Variants in ZNF711 observed in about 807,000 individuals in gnomAD.
ZNF711 encodes the protein zinc finger protein 711.
Under a neutral mutation model 43.5 loss-of-function variants are expected in ZNF711, and 3 were observed. The ratio of observed to expected loss-of-function variants is 0.07; its 90% confidence interval spans 0.03 to 0.18. The LOEUF (loss-of-function observed/expected upper bound fraction) is 0.18, where lower values mean the gene tolerates loss of function less well. ZNF711 is among the 10% of genes least tolerant of loss of function. The pLI is 1.00. For missense variants in ZNF711, 412 were observed against 604.0 expected (o/e 0.68, Z 3.33); for synonymous variants, 209 against 207.7 (o/e 1.01, Z -0.06).
intron 4 of ZNF711, among the ~76,000 whole-genome samples, chrX:85,252,065 C>G (rs767488976): frequency 4.5e-5 from 5 of 111,492 alleles, no homozygotes; most frequent in Non-Finnish European, 7.5e-5. Flanking sequence ...TAATCTATAG[C>G]TAAGTGACTT....
chrX:85,272,006 T>TTAC lies in ZNF711; in HGVS notation c.*180_*182dup. 1 of 452,524 alleles carries TTAC rather than the reference T, an allele frequency of 2.2e-6. No individual in the cohort carries two copies. Among genetic ancestry groups the TTAC allele is most frequent in the Non-Finnish European group, 3.8e-6 (1 of 263,792 alleles). The allele number at this position is 452,524 out of a possible 1,213,427, so 37.3% of individuals were successfully genotyped here. On this transcript the variant is annotated 3_prime_UTR_variant, in exon 11 of 11. Coordinates refer to ENST00000674551, the MANE Select transcript of ZNF711 (RefSeq NM_001330574.2). ...AGGGGATCCCATAGCCCTTTGAAAA[T>TTAC]TACTTAAAGAATTTAAGAAGCACTA...
intron 9 of ZNF711, among the ~76,000 whole-genome samples, chrX:85,269,072 G>T (rs1357047655): frequency 1.8e-5 from 2 of 111,446 alleles, no homozygotes; most frequent in Admixed American, 1.9e-4. Context: ...TTTAATGTAT[G>T]CACTGATCAC....
chrX:85,244,135 C>T lies in ZNF711; in HGVS notation c.-462C>T. ...ACTGGCGGCACGGAGGCGGCGGCGGCGGCGGCGGCGGCAGCGGCGGCGGCA... is the reference window on the plus strand; with the variant it reads ...ACTGGCGGCACGGAGGCGGCGGCGGTGGCGGCGGCGGCAGCGGCGGCGGCA... On this transcript the variant is annotated 5_prime_UTR_variant, in exon 1 of 11. Coordinates refer to ENST00000674551, the MANE Select transcript of ZNF711 (RefSeq NM_001330574.2). The T allele has an allele frequency of 6.7e-6, 1 of 148,736 alleles. No homozygotes were observed. The allele number at this position is 148,736 out of a possible 1,213,427, so 12.3% of individuals were successfully genotyped here.
intron 4 of ZNF711, among the ~76,000 whole-genome samples, chrX:85,249,776 A>G (rs1244052981): frequency 9.0e-6 from 1 of 111,581 alleles, no homozygotes; most frequent in African/African-American, 3.3e-5. Context: ...ATATTCACAA[A>G]ATTGTATAAC....
rs751356830 is a variant in ZNF711, at chrX:85,271,461, T to C, written c.2057T>C (p.Ile686Thr). ...TCTGAGCTCAAAAAGCATAGTGATA[T>C]CCATAAGGGTAGGAAGATTCATCAG... ...RPSELKKHSD[I>T]HKGRKIHQCR... is the part of the protein sequence containing the mutation. Residue 686 changes from isoleucine to threonine, a missense_variant, in exon 11 of 11, where the codon ATC becomes ACC. By Grantham distance (89) the Ile-to-Thr change is moderately conservative. Around this residue, in one of 4 missense-constraint regions of ZNF711, gnomAD observed 375 missense variants for 514.2 expected, o/e 0.73. Coordinates refer to ENST00000674551, the MANE Select transcript of ZNF711 (RefSeq NM_001330574.2). 3.3e-6 allele frequency: 4 copies of C among 1,209,484 alleles called. No homozygotes were observed. Among genetic ancestry groups the C allele is most frequent in the East Asian group, 5.9e-5 (2 of 33,700 alleles).
At chrX:85,267,144 A>G in intron 7 of ZNF711, 134 bp from the exon 8 acceptor site, 1 of 544,048 alleles carries the variant, frequency 1.8e-6, no homozygotes, top group Non-Finnish European at 2.6e-6. Flanking sequence ...CCTAATATAA[A>G]TTGAAATTAA....
intron 7 of ZNF711, 132 bp downstream of exon 7, chrX:85,265,387 T>C: frequency 1.5e-6 from 1 of 677,354 alleles, no homozygotes; most frequent in East Asian, 3.7e-5. Flanking sequence ...CCCTTTGCTG[T>C]AAATAATTTA....
chrX:85,252,169 T>C (rs1397777856), intron 4 of ZNF711, among the ~76,000 whole-genome samples: 2 of 112,453 alleles, frequency 1.8e-5, no homozygotes, highest in Non-Finnish European at 3.8e-5. Context: ...CTAAGTAATC[T>C]GCTGCTACCC....
rs1244063223 is a variant in ZNF711, at chrX:85,248,500, CTCCT to C, written c.79+851_79+854del. ...AAAAAAAAAAAAAAAAAAAAAAAGACTCCTTACTCTTGTGGCCAGGTTTGTAAGT... is the reference window on the plus strand; with the variant it reads ...AAAAAAAAAAAAAAAAAAAAAAAGACTACTCTTGTGGCCAGGTTTGTAAGT... On this transcript the variant is annotated intron_variant, in intron 4 of 10. Transcript: ENST00000674551. Among the ~76,000 whole-genome samples, 7 of 92,645 alleles carry C rather than the reference CTCCT, an allele frequency of 7.6e-5. No individual in the cohort carries two copies. In the Admixed American group the frequency reaches 8.0e-4, roughly 11 times the overall value. The allele number at this position is 92,645 out of a possible 115,157, so 80.5% of individuals were successfully genotyped here.
At position 85,271,895 on chromosome X, in the gene ZNF711, T is replaced by A; in HGVS notation, c.*67T>A. 1 of 898,037 alleles carries A rather than the reference T, an allele frequency of 1.1e-6. No individual in the cohort carries two copies. Among genetic ancestry groups the A allele is most frequent in the Non-Finnish European group, 1.6e-6 (1 of 620,844 alleles). 74.0% of individuals were successfully genotyped at this position (898,037 alleles called of 1,213,427 possible). A position where few individuals can be genotyped will look rare whatever the true frequency, so the allele number is the denominator to read the frequency against. Reference sequence around the variant, plus strand: ...ATGCTACTTGGGAGAAAACTCTCACTAACTGTCTCACCGGGTTTCAAAGCT... The same window carrying A: ...ATGCTACTTGGGAGAAAACTCTCACAAACTGTCTCACCGGGTTTCAAAGCT... On this transcript the variant is annotated 3_prime_UTR_variant, in exon 11 of 11. Transcript: ENST00000674551.
chrX:85,270,359 A>G (rs1931480036), intron 10 of ZNF711, among the ~76,000 whole-genome samples: 1 of 108,630 alleles, frequency 9.2e-6, no homozygotes, highest in Non-Finnish European at 1.9e-5. Context: ...AGATACTTTT[A>G]CAGAGAATTT....
At chrX:85,249,034 C>T (rs2147792130) in intron 4 of ZNF711, among the ~76,000 whole-genome samples, 2 of 111,789 alleles carry the variant, frequency 1.8e-5, no homozygotes, top group Non-Finnish European at 3.8e-5. Context: ...ACGTTTCTTT[C>T]TGATGAATAA....
In ZNF711 at chrX:85,273,345, A is replaced by G. The variant is rs1404145358; in HGVS notation, c.*1517A>G. The G allele has an allele frequency of 8.9e-6, 1 of 112,103 alleles. No homozygotes were observed. The highest frequency in any genetic ancestry group is 2.8e-4 in the East Asian group (1 of 3,535). The allele number at this position is 112,103 out of a possible 1,213,427, so 9.2% of individuals were successfully genotyped here. ...TCATTGAAATGAGCATACAATAAAA[A>G]GCATTTATTGCACTTAATGGTTTTA... On this transcript the variant is annotated 3_prime_UTR_variant, in exon 11 of 11. Transcript: ENST00000674551.
In ZNF711 at chrX:85,272,813, AAT is replaced by A. The variant is rs1931662167; in HGVS notation, c.*988_*989del. On this transcript the variant is annotated 3_prime_UTR_variant, in exon 11 of 11. Coordinates refer to ENST00000674551, the MANE Select transcript of ZNF711 (RefSeq NM_001330574.2). ...TACCATATGATTAACATGCATTTTCAATATGAGGCAGTGTTTATGCAGTATTT... is the reference window on the plus strand; with the variant it reads ...TACCATATGATTAACATGCATTTTCAATGAGGCAGTGTTTATGCAGTATTT... 8.9e-6 allele frequency: 1 copy of A among 112,149 alleles called. No homozygotes were observed. Among genetic ancestry groups the A allele is most frequent in the Admixed American group, 9.5e-5 (1 of 10,523 alleles). 9.2% of individuals were successfully genotyped at this position (112,149 alleles called of 1,213,427 possible). A position where few individuals can be genotyped will look rare whatever the true frequency, so the allele number is the denominator to read the frequency against.
intron 9 of ZNF711, among the ~76,000 whole-genome samples, chrX:85,269,267 A>G (rs1438924299): frequency 9.0e-6 from 1 of 111,221 alleles, no homozygotes; most frequent in African/African-American, 3.3e-5. Context: ...TTCTTTTTCA[A>G]TTAATTTCAT....
Position 85,255,296 on chromosome X carries a change from C to T in ZNF711, c.117C>T (p.Asp39=), listed in dbSNP as rs1930024988. 1 of 1,209,061 alleles carries T rather than the reference C, an allele frequency of 8.3e-7. No homozygotes were observed. The highest frequency in any genetic ancestry group is 1.8e-5 in the African/African-American group (1 of 56,902). Residue 39 remains aspartate, a synonymous_variant, in exon 5 of 11, where the codon GAC becomes GAT. Transcript: ENST00000674551. ...CTGGTACTGCACATATCGATGGAGA[C>T]CATATTGTTGTTTCAGTTCCTGAAG... The part of the protein sequence containing the change: ...GMAGTAHIDG[D]HIVVSVPEAV...
rs140843429 is a variant in ZNF711, at chrX:85,270,868, C to T, written c.1464C>T (p.Val488=). The stretch of plus-strand genomic sequence containing the variant: ...AAAGCCATAAGCTCATAAACAAAGT[C>T]GACAAAACCCATGAATTTACAGAAT... The part of the protein sequence containing the change: ...HLESHKLINK[V]DKTHEFTEYT... Residue 488 remains valine (V), a synonymous_variant, in exon 11 of 11, where the codon GTC becomes GTT. Transcript: ENST00000674551. 125 of 1,206,595 alleles carry T rather than the reference C, an allele frequency of 1.0e-4. 1 individual carries two copies. In the Admixed American group the frequency reaches 1.3e-3, roughly 12 times the overall value.
intron 4 of ZNF711, among the ~76,000 whole-genome samples, chrX:85,253,484 A>G (rs1024092370): frequency 1.8e-5 from 2 of 111,395 alleles, no homozygotes; most frequent in African/African-American, 6.5e-5. Context: ...AAAGGAGTAC[A>G]TACAGTCCAT....
At chrX:85,264,999 T>A (rs976162849) in intron 6 of ZNF711, 119 bp from the exon 7 acceptor site, 30 of 678,407 alleles carry the variant, frequency 4.4e-5, no homozygotes, top group Non-Finnish European at 6.4e-5. Flanking sequence ...TCTTGGCACT[T>A]TGAAATTTAT....
Sources: gnomAD v4.1 joint callset for allele counts (sites outside exome capture counted in the v4.1 genomes callset) on GRCh38, gnomAD v4.1.1 for gene constraint, gnomAD v4.1.1 regional missense constraint, MANE v1.5 for transcripts, NCBI Gene and HGNC (gene_info 2026-07-23, HGNC 2026-07-21) for gene names.